The following KIFAP3 variants were observed in gnomAD, a reference collection of about 807,000 sequenced individuals.
The protein encoded by KIFAP3 is kinesin-associated protein 3.
KIFAP3 carries 68 observed loss-of-function variants against 106.5 expected under a neutral mutation model. The ratio of observed to expected loss-of-function variants is 0.64; its 90% CI spans 0.53 to 0.78. The LOEUF is 0.78. Among genes scored for constraint, KIFAP3 ranks in the 30% least tolerant of loss-of-function variants. The pLI is 0.00. For synonymous variants in KIFAP3, 320 were observed against 311.5 expected (o/e 1.03, Z -0.29); for missense variants, 780 against 941.8 (o/e 0.83, Z 2.25).
chr1:169,940,591 G>A (rs1664052242), intron 19 of KIFAP3, among the ~76,000 whole-genome samples: 2 of 152,092 alleles, frequency 1.3e-5, no homozygotes, highest in South Asian at 4.2e-4. Context: ...TCACAATAGG[G>A]TTTGTGCGCC....
At chr1:169,928,393 C>T (rs778259929) in intron 19 of KIFAP3, among the ~76,000 whole-genome samples, 6 of 152,038 alleles carry the variant, frequency 3.9e-5, no homozygotes, top group African/African-American at 7.2e-5. Context: ...CCACTGTGCC[C>T]GGACCATCTT....
intron 19 of KIFAP3, among the ~76,000 whole-genome samples, chr1:169,926,307 G>T (rs1354730388): frequency 6.6e-6 from 1 of 152,150 alleles, no homozygotes; most frequent in East Asian, 1.9e-4. Context: ...CACAACCCTT[G>T]TTTATTCAAG....
At chr1:169,993,624 G>C (rs373842781) in intron 10 of KIFAP3, among the ~76,000 whole-genome samples, 64 of 68 alleles carry the variant, frequency 0.94, 32 homozygotes, top group African/African-American at 1. Flanking sequence ...GCAAGCTTCA[G>C]GCAGGTGATT....
chr1:170,021,249 A>G (rs780468166), intron 9 of KIFAP3, among the ~76,000 whole-genome samples: 1 of 152,054 alleles, frequency 6.6e-6, no homozygotes, highest in Non-Finnish European at 1.5e-5. Flanking sequence ...TATTTAAATA[A>G]ATAATACTAC....
chr1:170,020,895 GAAGAA>G (rs970831473), intron 9 of KIFAP3, among the ~76,000 whole-genome samples: 2 of 152,060 alleles, frequency 1.3e-5, no homozygotes, highest in African/African-American at 4.8e-5. Context: ...TATAAAACTT[GAAGAA>G]AACATAGGAA....
intron 5 of KIFAP3, 30 bp downstream of exon 5, chr1:170,038,260 T>C (rs1278927718): frequency 6.6e-7 from 1 of 1,505,562 alleles, no homozygotes. Flanking sequence ...TATTCCTCTA[T>C]TATAATTAAA....
chr1:170,044,935 G>C (rs2102080298), intron 3 of KIFAP3, among the ~76,000 whole-genome samples: 1 of 152,272 alleles, frequency 6.6e-6, no homozygotes, highest in South Asian at 2.1e-4. Context: ...GACAAGTAAA[G>C]TATATCTTTA....
chr1:169,934,912 T>G (rs1448235733), intron 19 of KIFAP3, among the ~76,000 whole-genome samples: 1 of 152,102 alleles, frequency 6.6e-6, no homozygotes, highest in Non-Finnish European at 1.5e-5. Flanking sequence ...AACATGCAAC[T>G]GCATAAAATT....
Position 170,021,366 on chromosome 1 carries a change from CAG to C in KIFAP3, c.1020+3050_1020+3051del, listed in dbSNP as rs758827907. Among the ~76,000 whole-genome samples the C allele has an allele frequency of 8.7e-5, 13 of 149,096 alleles. No individual in the cohort carries two copies. In the South Asian group the frequency reaches 2.8e-3, roughly 32 times the overall value. ...TAGTATTTTCCTTTTGGAAAAAAAACAGTGTATGCATACACTGGTTGTTACAG... is the reference window on the plus strand; with the variant it reads ...TAGTATTTTCCTTTTGGAAAAAAAACTGTATGCATACACTGGTTGTTACAG... On this transcript the variant is annotated intron_variant, in intron 9 of 19. Coordinates refer to ENST00000361580, the MANE Select transcript of KIFAP3 (RefSeq NM_014970.4).
At chr1:169,929,662 T>G (rs1269229176) in intron 19 of KIFAP3, among the ~76,000 whole-genome samples, 2 of 152,142 alleles carry the variant, frequency 1.3e-5, no homozygotes, top group Non-Finnish European at 2.9e-5. Flanking sequence ...TCTTAATCTT[T>G]TATATGCATA....
chr1:169,947,995 G>A (rs1269067428), intron 19 of KIFAP3, among the ~76,000 whole-genome samples: 3 of 150,670 alleles, frequency 2.0e-5, no homozygotes, highest in Admixed American at 2.0e-4. Context: ...CAAAAATAAC[G>A]TTGTAAAAAT....
intron 16 of KIFAP3, among the ~76,000 whole-genome samples, chr1:169,976,271 C>A (rs924709365): frequency 1.3e-4 from 20 of 152,064 alleles, no homozygotes; most frequent in Non-Finnish European, 2.4e-4. Flanking sequence ...GTAGTGGCTT[C>A]TATAGTTATG....
At chr1:170,043,480 T>C (rs1446038234) in intron 3 of KIFAP3, among the ~76,000 whole-genome samples, 1 of 152,150 alleles carries the variant, frequency 6.6e-6, no homozygotes, top group Non-Finnish European at 1.5e-5. Context: ...CTAATGTGGT[T>C]TGTATGCAAG....
intron 3 of KIFAP3, 35 bp from the exon 4 acceptor site, chr1:170,039,323 GGTTTTTAGGGTTT>G: frequency 1.7e-6 from 2 of 1,195,952 alleles, no homozygotes; most frequent in Non-Finnish European, 2.4e-6. Context: ...AGGAGACTTA[GGTTTTTAGGGTTT>G]CTAGGTAATT....
intron 19 of KIFAP3, among the ~76,000 whole-genome samples, chr1:169,922,673 C>T (rs1354889007): frequency 6.6e-6 from 1 of 152,170 alleles, no homozygotes; most frequent in Non-Finnish European, 1.5e-5. Context: ...ACATGGTGGC[C>T]TTAACATGCT....
chr1:169,923,994 T>TC (rs1044256263), intron 19 of KIFAP3, among the ~76,000 whole-genome samples: 31 of 151,626 alleles, frequency 2.0e-4, no homozygotes, highest in Non-Finnish European at 3.5e-4. Flanking sequence ...TCTCCCCCTT[T>TC]TTTTTATTTC....
chr1:170,011,195 AAAT>A (rs1356947947), intron 10 of KIFAP3, among the ~76,000 whole-genome samples: 4 of 152,016 alleles, frequency 2.6e-5, no homozygotes, highest in Admixed American at 2.6e-4. Flanking sequence ...AAATAATCTA[AAAT>A]AATTTAGATT....
rs1172044307 is a variant in KIFAP3, at chr1:170,038,300, T to C, written c.507A>G (p.Leu169=). The change falls in exon 5 of 20, where the codon CTA becomes CTG. Residue 169 remains leucine, a synonymous_variant. Coordinates refer to ENST00000361580, the MANE Select transcript of KIFAP3 (RefSeq NM_014970.4). ...TTTTATAGTAATCACCATTCAATAG[T>C]AGTTCTTCCAAGTTATCAGGATTTC... ...LARNPDNLEE[L]LLNETALGAL... The C allele has an allele frequency of 4.4e-6, 7 of 1,598,402 alleles. No individual in the cohort carries two copies. The highest frequency in any genetic ancestry group is 5.9e-6 in the Non-Finnish European group (7 of 1,176,510).
At chr1:170,074,214 G>T (rs956995317) in intron 1 of KIFAP3, among the ~76,000 whole-genome samples, 10 of 152,068 alleles carry the variant, frequency 6.6e-5, no homozygotes, top group Admixed American at 4.6e-4. Flanking sequence ...ATCTTTCAAT[G>T]CTGTCAGGGC....
Sources: allele counts gnomAD v4.1 joint callset (sites outside exome capture counted in the v4.1 genomes callset), GRCh38; gene constraint gnomAD v4.1.1; transcripts MANE v1.5; gene names NCBI Gene and HGNC (gene_info 2026-07-23, HGNC 2026-07-21).